Variants in BID observed in about 807,000 individuals in gnomAD.
BID encodes the protein BH3-interacting domain death agonist.
BID carries 19 observed loss-of-function variants against 17.4 expected under a neutral mutation model. That is an observed-to-expected ratio of 1.09 (90% CI 0.76 to 1.60). BID has a LOEUF of 1.60. Ranked by LOEUF, BID falls within the 40% of genes most tolerant of loss-of-function variation. The pLI, the probability that BID is intolerant of heterozygous loss-of-function variation, is 0.00. For synonymous variants in BID, 108 were observed against 102.8 expected (o/e 1.05, Z -0.31); for missense variants, 226 against 256.0 (o/e 0.88, Z 0.80).
Position 17,739,629 on chromosome 22 carries a change from C to G in BID, c.224-141G>C, listed in dbSNP as rs565611601. On this transcript the variant is annotated intron_variant, in intron 3 of 5. Transcript: ENST00000622694. ...CCCACTGGGCACGTGCTCCACTCCACCAGGGCCACAGCGGGCGGGCTGAGT... is the reference window on the plus strand; with the variant it reads ...CCCACTGGGCACGTGCTCCACTCCAGCAGGGCCACAGCGGGCGGGCTGAGT... 7.0e-6 allele frequency: 8 copies of G among 1,146,640 alleles called. No homozygotes were observed. In the African/African-American group the frequency reaches 1.2e-4, roughly 18 times the overall value. 71.0% of individuals were successfully genotyped at this position (1,146,640 alleles called of 1,614,324 possible). A position where few individuals can be genotyped will look rare whatever the true frequency, so the allele number is the denominator to read the frequency against.
At chr22:17,737,424 G>C (rs909243372) in intron 5 of BID, among the ~76,000 whole-genome samples, 3 of 151,924 alleles carry the variant, frequency 2.0e-5, no homozygotes, top group Non-Finnish European at 4.4e-5. Context: ...TCAGTTCACT[G>C]CAACCTCTGC....
At position 17,741,621 on chromosome 22, in the gene BID, C is replaced by T. The variant is rs1408075557; in HGVS notation, c.224-2133G>A. On this transcript the variant is annotated intron_variant, in intron 3 of 5. Transcript: ENST00000622694. ...CCAAGTAGCTGGGATTACAGGCACC[C>T]GCCACCCCGCCTGGCTAATTTTTAT... 3.9e-5 allele frequency among the ~76,000 whole-genome samples: 6 copies of T among 152,032 alleles called. No homozygotes were observed. In the South Asian group the frequency reaches 8.3e-4, roughly 21 times the overall value.
Position 17,735,520 on chromosome 22 carries a change from GCAGCTATA to G in BID, c.*52_*59del. ...TGCCAGGGCTCCGTCTACACTGGAA[GCAGCTATA>G]CAGCTGTGACCACATCGAGCTTTAG... is the stretch of plus-strand genomic sequence containing the variant. On this transcript the variant is annotated 3_prime_UTR_variant, in exon 6 of 6. Transcript: ENST00000622694. 6.2e-7 allele frequency: 1 copy of G among 1,606,850 alleles called. No homozygotes were observed. The highest frequency in any genetic ancestry group is 1.1e-5 in the South Asian group (1 of 90,906).
chr22:17,752,964 C>CT (rs34597946), intron 1 of BID, among the ~76,000 whole-genome samples: 38,222 of 85,192 alleles, frequency 0.45, 10,874 homozygotes, highest in East Asian at 0.78. Flanking sequence ...CGCGCCCAGT[C>CT]TTTTTTTTTT....
At chr22:17,760,964 C>T (rs542930107) in intron 1 of BID, among the ~76,000 whole-genome samples, 1 of 152,336 alleles carries the variant, frequency 6.6e-6, no homozygotes, top group East Asian at 1.9e-4. Context: ...GGCCTCCCGC[C>T]AAGCCCAGAA....
chr22:17,748,398 C>G (rs1218769975), intron 2 of BID, among the ~76,000 whole-genome samples: 5 of 151,084 alleles, frequency 3.3e-5, no homozygotes, highest in Non-Finnish European at 5.9e-5. Flanking sequence ...GTCCCAGCTA[C>G]TCGGGAGGCT....
chr22:17,756,432 C>T (rs1007392465), intron 1 of BID, among the ~76,000 whole-genome samples: 7 of 69,282 alleles, frequency 1.0e-4, no homozygotes, highest in South Asian at 1.5e-3. Flanking sequence ...TTCTTTCTTT[C>T]TTCTTTCTTT....
chr22:17,771,021 T>C (rs1000105028), intron 1 of BID, among the ~76,000 whole-genome samples: 2 of 152,236 alleles, frequency 1.3e-5, no homozygotes, highest in Admixed American at 6.5e-5. Flanking sequence ...ACTAGGACAG[T>C]GTGTCTTTCC....
chr22:17,745,112 G>C (rs185281303), intron 2 of BID, among the ~76,000 whole-genome samples: 3 of 152,284 alleles, frequency 2.0e-5, no homozygotes. Flanking sequence ...GTGCAGTGGT[G>C]TGATCTCGGC....
rs569132139 is a variant in BID at position 17,773,911 on chromosome 22, G to A, written c.-59+470C>T. 1.7e-6 allele frequency: 1 copy of A among 592,130 alleles called. No homozygotes were observed. Among genetic ancestry groups the A allele is most frequent in the Admixed American group, 3.0e-5 (1 of 32,964 alleles). 36.7% of individuals were successfully genotyped at this position (592,130 alleles called of 1,614,324 possible). A position where few individuals can be genotyped will look rare whatever the true frequency, so the allele number is the denominator to read the frequency against. On this transcript the variant is annotated intron_variant, in intron 1 of 5. Transcript: ENST00000622694. The surrounding 1 kb of genome is among the most constrained non-coding windows in gnomAD (Gnocchi z 4.4). ...TTTGTCAGCCCTGAGCTCCGCTCGG[G>A]AGGAGCCGGCAGGTGTCTGCGGTGC...
chr22:17,754,597 C>T (rs780240767), intron 1 of BID, among the ~76,000 whole-genome samples: 12 of 152,254 alleles, frequency 7.9e-5, no homozygotes, highest in Non-Finnish European at 1.3e-4. Context: ...GCATGGGTCA[C>T]ACGGGGACAA....
At chr22:17,762,365 C>T (rs1197428421) in intron 1 of BID, among the ~76,000 whole-genome samples, 29 of 152,098 alleles carry the variant, frequency 1.9e-4, no homozygotes, top group Non-Finnish European at 1.5e-5. Context: ...GGCATGATGG[C>T]GTGCACCTGT....
intron 3 of BID, chr22:17,740,309 C>A (rs1186465071): frequency 2.6e-6 from 2 of 774,230 alleles, no homozygotes; most frequent in Non-Finnish European, 4.3e-6. Flanking sequence ...TGTGGTCATG[C>A]ATGCCTGTAA....
In BID at chr22:17,735,573, T is replaced by G; in HGVS notation, c.*7A>C. The G allele has an allele frequency of 1.2e-6, 2 of 1,614,204 alleles. No individual in the cohort carries two copies. The highest frequency in any genetic ancestry group is 1.7e-6 in the Non-Finnish European group (2 of 1,180,040). On this transcript the variant is annotated 3_prime_UTR_variant, in exon 6 of 6. Coordinates refer to ENST00000622694, the MANE Select transcript of BID (RefSeq NM_001196.4). ...CTTTAGCCAGTCACACTTCTGGAAC[T>G]GTCCGTTCAGTCCATCCCCTAGAGC...
intron 1 of BID, among the ~76,000 whole-genome samples, chr22:17,759,246 C>CAAAAAAAAAAAACAAAAAA (rs747701019): frequency 3.5e-5 from 4 of 114,800 alleles, no homozygotes; most frequent in Non-Finnish European, 7.6e-5. Context: ...AAAAACAAAA[C>CAAAAAAAAAAAACAAAAAA]AAAAAAAAAA....
chr22:17,759,346 G>C (rs1264349289), intron 1 of BID, among the ~76,000 whole-genome samples: 4 of 151,780 alleles, frequency 2.6e-5, no homozygotes, highest in Non-Finnish European at 5.9e-5. Context: ...ATCACTTGAG[G>C]TCAGGTGTTC....
In BID at chr22:17,769,768, G is replaced by C. The variant is rs1398916101; in HGVS notation, c.-59+4613C>G. ...AACGCAGTGACCTCCAGCACCCAAA[G>C]CTCAGAGTTCCCAGCTGAACCCAGG... On this transcript the variant is annotated intron_variant, in intron 1 of 5. Coordinates refer to ENST00000622694, the MANE Select transcript of BID (RefSeq NM_001196.4). The surrounding 1 kb of genome is among the most constrained non-coding windows in gnomAD (Gnocchi z 4.8). 6.6e-6 allele frequency among the ~76,000 whole-genome samples: 1 copy of C among 152,144 alleles called. No individual in the cohort carries two copies. The highest frequency in any genetic ancestry group is 1.5e-5 in the Non-Finnish European group (1 of 68,008).
At chr22:17,745,693 C>T (rs1216920719) in intron 2 of BID, among the ~76,000 whole-genome samples, 4 of 151,598 alleles carry the variant, frequency 2.6e-5, no homozygotes, top group African/African-American at 7.3e-5. Context: ...CTTGGCCGGG[C>T]GCGGTGGCTC....
In BID at chr22:17,738,126, G is replaced by T. The variant is rs2061432883; in HGVS notation, c.467C>A (p.Ala156Asp). 6.2e-7 allele frequency: 1 copy of T among 1,613,924 alleles called. No homozygotes were observed. ...CGGCGTGTGACTGGCCACCTTCTTG[G>T]CCAGCAGCAGGGCCAGCACCAGCAT... Reference protein sequence around the residue: ...KTMLVLALLLAKKVASHTPSL... With the variant: ...KTMLVLALLLDKKVASHTPSL... Residue 156 changes from alanine (A) to aspartate (D), a missense_variant, in exon 5 of 6, where the codon GCC becomes GAC. Physicochemically the swap from Ala to Asp is moderately radical, Grantham distance 126 (BLOSUM62 -2). Coordinates refer to ENST00000622694, the MANE Select transcript of BID (RefSeq NM_001196.4).
Sources: gnomAD v4.1 joint callset for allele counts (sites outside exome capture counted in the v4.1 genomes callset) on GRCh38, gnomAD v4.1.1 for gene constraint, Gnocchi (gnomAD v3.1) non-coding constraint, MANE v1.5 for transcripts, NCBI Gene and HGNC (gene_info 2026-07-23, HGNC 2026-07-21) for gene names.